The following HP1BP3 variants were observed in gnomAD, a reference collection of about 807,000 sequenced individuals.
HP1BP3 encodes heterochromatin protein 1-binding protein 3.
A neutral mutation model predicts 62.5 loss-of-function variants in HP1BP3; 12 were observed. That is an observed-to-expected ratio of 0.19 (90% confidence interval 0.12 to 0.31). The LOEUF (loss-of-function observed/expected upper bound fraction) is 0.31. Among genes scored for constraint, HP1BP3 ranks in the 10% least tolerant of loss-of-function variants. The pLI is 1.00. For synonymous variants in HP1BP3, 260 were observed against 237.8 expected (o/e 1.09, Z -0.86); for missense variants, 502 against 651.8 (o/e 0.77, Z 2.50).
intron 8 of HP1BP3, among the ~76,000 whole-genome samples, chr1:20,760,253 A>G (rs2056388920): frequency 6.6e-6 from 1 of 152,262 alleles, no homozygotes; most frequent in African/African-American, 2.4e-5. Flanking sequence ...GAAAGGCGAC[A>G]TGACACTGGA....
At chr1:20,749,341 A>ATT (rs1235800705) in intron 10 of HP1BP3, among the ~76,000 whole-genome samples, 1 of 145,454 alleles carries the variant, frequency 6.9e-6, no homozygotes, top group Non-Finnish European at 1.5e-5. Flanking sequence ...GATCTCTATG[A>ATT]TTTTTTTTTC....
intron 3 of HP1BP3, among the ~76,000 whole-genome samples, chr1:20,778,644 C>T (rs867841664): frequency 1.4e-5 from 2 of 141,914 alleles, no homozygotes; most frequent in African/African-American, 3.2e-5. Context: ...TCTTAACTGC[C>T]TTAGGCCAGG....
intron 2 of HP1BP3, 55 bp downstream of exon 2, chr1:20,780,290 G>A (rs1405220193): frequency 8.7e-6 from 11 of 1,261,836 alleles, no homozygotes; most frequent in Admixed American, 1.7e-5. Flanking sequence ...ACCCAGCAGG[G>A]CCTGAAGTCA....
At chr1:20,755,359 C>T (rs12044632) in intron 9 of HP1BP3, 1 of 453,800 alleles carries the variant, frequency 2.2e-6, no homozygotes, top group East Asian at 7.0e-5. Flanking sequence ...CTTCACTGAA[C>T]CCAGGAGTTC....
chr1:20,780,631 T>C, intron 1 of HP1BP3, 91 bp from the exon 2 acceptor site: 1 of 566,740 alleles, frequency 1.8e-6, no homozygotes, highest in Non-Finnish European at 3.2e-6. Flanking sequence ...AGGGAAAAAA[T>C]ATAACTATAA....
chr1:20,774,341 TAAACACACACACACACACAC>T (rs1288461744), intron 4 of HP1BP3: 2 of 115,724 alleles, frequency 1.7e-5, no homozygotes, highest in Admixed American at 8.5e-5. Flanking sequence ...CCATCTCCAT[TAAACACACACACACACACAC>T]AAACACACCC....
At chr1:20,771,135 CA>C in intron 5 of HP1BP3, 62 bp from the exon 6 acceptor site, 1 of 1,340,052 alleles carries the variant, frequency 7.5e-7, no homozygotes, top group Non-Finnish European at 1.0e-6. Flanking sequence ...CATATATTTT[CA>C]AAATAAATTA....
chr1:20,749,713 C>A lies in HP1BP3; in HGVS notation c.1141+10G>T, dbSNP rs557369989. 1 of 1,605,268 alleles carries A rather than the reference C, an allele frequency of 6.2e-7. No individual in the cohort carries two copies. The highest frequency in any genetic ancestry group is 1.1e-5 in the South Asian group (1 of 89,584). Reference sequence around the variant, plus strand: ...CTAATCCCAGTTAAATATACACAACCGAGTCTTACTTTGATAGTTAGAATT... The same window carrying A: ...CTAATCCCAGTTAAATATACACAACAGAGTCTTACTTTGATAGTTAGAATT... On this transcript the variant is annotated intron_variant, in intron 10 of 12. Transcript: ENST00000438032.
intron 1 of HP1BP3, among the ~76,000 whole-genome samples, chr1:20,781,676 G>A (rs1355544144): frequency 6.6e-6 from 1 of 152,082 alleles, no homozygotes; most frequent in East Asian, 1.9e-4. Context: ...GCCCAGGCTG[G>A]AGTGCGGTGG....
intron 9 of HP1BP3, among the ~76,000 whole-genome samples, chr1:20,751,146 A>T (rs117432160): frequency 6.6e-6 from 1 of 152,004 alleles, no homozygotes; most frequent in Non-Finnish European, 1.5e-5. Flanking sequence ...GATTTTCTCA[A>T]TAACATTTTC....
In HP1BP3 at chr1:20,745,671, A is replaced by G; in HGVS notation, c.1254-15T>C. ...GAACTCCTGGGCTATACGGGGAAAAATTAGATTAAAACACAAGTCCCATAT... is the reference window on the plus strand; with the variant it reads ...GAACTCCTGGGCTATACGGGGAAAAGTTAGATTAAAACACAAGTCCCATAT... On this transcript the variant is annotated splice_polypyrimidine_tract_variant and intron_variant, in intron 11 of 12. Coordinates refer to ENST00000438032, the MANE Select transcript of HP1BP3 (RefSeq NM_001372052.1). 6.2e-7 allele frequency: 1 copy of G among 1,612,882 alleles called. No homozygotes were observed. Among genetic ancestry groups the G allele is most frequent in the African/African-American group, 1.3e-5 (1 of 74,902 alleles).
In HP1BP3 at chr1:20,744,262, T is replaced by C. The variant is rs1362465709; in HGVS notation, c.*535A>G. The C allele has an allele frequency of 6.5e-6, 1 of 152,814 alleles. No individual in the cohort carries two copies. Among genetic ancestry groups the C allele is most frequent in the East Asian group, 1.9e-4 (1 of 5,208 alleles). 9.5% of individuals were successfully genotyped at this position (152,814 alleles called of 1,614,324 possible). ...TTTTTGGCTTATTCCCAAAGCTGTC[T>C]CTGTGTTTACAGTTGGAGAGAAAAG... is the stretch of plus-strand genomic sequence containing the variant. On this transcript the variant is annotated 3_prime_UTR_variant, in exon 13 of 13. Transcript: ENST00000438032.
At position 20,779,782 on chromosome 1, in the gene HP1BP3, G is replaced by A. The variant is rs942830817; in HGVS notation, c.196+30C>T. 6 of 1,441,398 alleles carry A rather than the reference G, an allele frequency of 4.2e-6. No homozygotes were observed. In the African/African-American group the frequency reaches 7.1e-5, roughly 17 times the overall value. The allele number at this position is 1,441,398 out of a possible 1,614,324, so 89.3% of individuals were successfully genotyped here. ...TCCAAATTGCAGTATAACTTTTGATGTTTTAAGCTGTGTCACCATTTTACT... is the reference window on the plus strand; with the variant it reads ...TCCAAATTGCAGTATAACTTTTGATATTTTAAGCTGTGTCACCATTTTACT... On this transcript the variant is annotated intron_variant, in intron 3 of 12. Coordinates refer to ENST00000438032, the MANE Select transcript of HP1BP3 (RefSeq NM_001372052.1).
chr1:20,770,489 A>AT (rs1280328594), intron 6 of HP1BP3, among the ~76,000 whole-genome samples: 1 of 151,870 alleles, frequency 6.6e-6, no homozygotes, highest in Admixed American at 6.6e-5. Flanking sequence ...CTGATTTTGT[A>AT]TTTTTTGTAG....
intron 1 of HP1BP3, chr1:20,786,471 G>C (rs2057839371): frequency 6.6e-6 from 1 of 152,466 alleles, no homozygotes. Flanking sequence ...CGCGCACGGC[G>C]GGGGAGAGCG....
chr1:20,754,824 T>C (rs1048741514), intron 9 of HP1BP3, among the ~76,000 whole-genome samples: 9 of 152,170 alleles, frequency 5.9e-5, no homozygotes, highest in African/African-American at 2.2e-4. Flanking sequence ...CAAAACAATA[T>C]AGATCACAGA....
chr1:20,779,149 A>T (rs1235961891), intron 3 of HP1BP3, among the ~76,000 whole-genome samples: 1 of 152,162 alleles, frequency 6.6e-6, no homozygotes, highest in Non-Finnish European at 1.5e-5. Flanking sequence ...CAACAGAGGC[A>T]GCACAGTGTG....
chr1:20,757,366 A>T, intron 8 of HP1BP3, 110 bp from the exon 9 acceptor site: 2 of 417,338 alleles, frequency 4.8e-6, no homozygotes, highest in Non-Finnish European at 3.7e-6. Flanking sequence ...TACTATTATT[A>T]TTATTATTTT....
intron 9 of HP1BP3, among the ~76,000 whole-genome samples, chr1:20,750,972 C>T (rs2055708605): frequency 6.6e-6 from 1 of 151,752 alleles, no homozygotes; most frequent in African/African-American, 2.4e-5. Flanking sequence ...CGCCCACCAC[C>T]AGGTCTCGCT....
Sources: allele counts gnomAD v4.1 joint callset (sites outside exome capture counted in the v4.1 genomes callset), GRCh38; gene constraint gnomAD v4.1.1; transcripts MANE v1.5; gene names NCBI Gene and HGNC (gene_info 2026-07-23, HGNC 2026-07-21).